Variants in SNCG observed in about 807,000 individuals in gnomAD.
The protein encoded by SNCG is gamma-synuclein.
SNCG carries 13 observed loss-of-function variants against 16.0 expected under a neutral mutation model. The ratio of observed to expected loss-of-function variants is 0.81; its 90% CI spans 0.53 to 1.29. The LOEUF (loss-of-function observed/expected upper bound fraction) is 1.29. SNCG is among the 50% of genes most tolerant of loss of function. The probability of loss-of-function intolerance (pLI) is 0.00; values close to 1 mark genes in which losing one functional copy is unlikely to be tolerated. For synonymous variants in SNCG, 66 were observed against 66.3 expected, an observed-to-expected ratio of 1.00 and a Z score of 0.02; for missense variants, 154 against 168.5, an observed-to-expected ratio of 0.91 and a Z score of 0.48.
intron 3 of SNCG, 62 bp from the exon 4 acceptor site, chr10:86,962,542 C>T (rs1844372028): frequency 1.6e-6 from 2 of 1,279,212 alleles, no homozygotes; most frequent in Non-Finnish European, 2.2e-6. Flanking sequence ...GCCCTGGTTG[C>T]AGGGCAGCTA....
upstream of SNCG, chr10:86,958,437 G>A: frequency 1.0e-6 from 1 of 985,412 alleles, no homozygotes; most frequent in Non-Finnish European, 1.2e-6. Context: ...GAGCCAGCAG[G>A]AGCCCAGGGA....
chr10:86,960,594 G>A (rs1209391376), intron 3 of SNCG, among the ~76,000 whole-genome samples: 2 of 152,162 alleles, frequency 1.3e-5, no homozygotes, highest in African/African-American at 4.8e-5. Flanking sequence ...GGGAAGTAGC[G>A]TCCCCTAGTG....
At chr10:86,958,497 T>TCCCAACCCACC, upstream of SNCG, 1 of 1,098,156 alleles carries the variant, frequency 9.1e-7, no homozygotes, top group Non-Finnish European at 1.2e-6. Context: ...TGAACCTCCT[T>TCCCAACCCACC]CCCTCCCTCC....
upstream of SNCG, chr10:86,957,771 A>T (rs929043616): frequency 7.5e-7 from 1 of 1,336,158 alleles, no homozygotes; most frequent in African/African-American, 1.5e-5. Context: ...GTCCCTGAGG[A>T]CTTGGCTCAG....
upstream of SNCG, chr10:86,958,367 G>A: frequency 1.0e-6 from 1 of 985,456 alleles, no homozygotes; most frequent in African/African-American, 1.7e-5. Flanking sequence ...ATGAGGGACA[G>A]GTTGGGAGGT....
chr10:86,959,530 C>T lies in SNCG; in HGVS notation c.122-103C>T, dbSNP rs1452691881. ...CGGCCCCCAGACACCATCCTTACCC[C>T]CCCACCGACCCCACAGTTTGTCCAG... On this transcript the variant is annotated intron_variant, in intron 1 of 4. Coordinates refer to ENST00000372017, the MANE Select transcript of SNCG (RefSeq NM_003087.3). This position sits in a 1 kb window ranked among gnomAD's most constrained non-coding sequence, Gnocchi z 4.3. 4.9e-6 allele frequency: 5 copies of T among 1,021,316 alleles called. No individual in the cohort carries two copies. Among genetic ancestry groups the T allele is most frequent in the Middle Eastern group, 4.0e-4 (2 of 4,966 alleles). 63.3% of individuals were successfully genotyped at this position (1,021,316 alleles called of 1,614,324 possible). A position where few individuals can be genotyped will look rare whatever the true frequency, so the allele number is the denominator to read the frequency against.
Position 86,959,580 on chromosome 10 carries a change from C to A in SNCG, c.122-53C>A. On this transcript the variant is annotated intron_variant, in intron 1 of 4. Coordinates refer to ENST00000372017, the MANE Select transcript of SNCG (RefSeq NM_003087.3). This position sits in a 1 kb window ranked among gnomAD's most constrained non-coding sequence, Gnocchi z 4.3. ...GCTGTTCTGTTGTGTTTGTCCTGACCGCCCCCAACACCTCGAGGGAGGTCT... is the reference window on the plus strand; with the variant it reads ...GCTGTTCTGTTGTGTTTGTCCTGACAGCCCCCAACACCTCGAGGGAGGTCT... The A allele has an allele frequency of 1.2e-5, 18 of 1,561,704 alleles. No homozygotes were observed. The highest frequency in any genetic ancestry group is 1.4e-5 in the Non-Finnish European group (16 of 1,132,788).
upstream of SNCG, chr10:86,957,730 C>G (rs1844260229): frequency 3.0e-6 from 4 of 1,352,212 alleles, no homozygotes; most frequent in Middle Eastern, 2.7e-4. Flanking sequence ...GCTGGCCCCA[C>G]AGGGGCCGCC....
upstream of SNCG, chr10:86,958,108 A>G: frequency 1.0e-6 from 1 of 984,560 alleles, no homozygotes. Flanking sequence ...AACCGGTTTC[A>G]TGGCAGCCCA....
chr10:86,958,531 G>C, upstream of SNCG: 4 of 960,556 alleles, frequency 4.2e-6, no homozygotes, highest in South Asian at 1.8e-5. Context: ...CCCACTGCAC[G>C]CAGGGCTGGC....
chr10:86,962,717 G>T (rs1262321645), intron 4 of SNCG, 42 bp downstream of exon 4: 4 of 1,484,752 alleles, frequency 2.7e-6, no homozygotes, highest in Admixed American at 3.6e-5. Flanking sequence ...GGGGTTCCTT[G>T]GTAGGGACCC....
intron 3 of SNCG, among the ~76,000 whole-genome samples, chr10:86,960,405 G>A (rs1468030281): frequency 6.6e-6 from 1 of 152,142 alleles, no homozygotes; most frequent in African/African-American, 2.4e-5. Context: ...TCTTCCGGAC[G>A]GCTCTCAGCA....
At position 86,960,080 on chromosome 10, in the gene SNCG, C is replaced by T. The variant is rs763085676; in HGVS notation, c.243C>T (p.Thr81=). The change falls in exon 3 of 5, where the codon ACC becomes ACT. Residue 81 remains threonine, a synonymous_variant. Transcript: ENST00000372017. ...GCGTCAACACTGTGGCCACCAAGAC[C>T]GTGGAGGAGGCGGAGAACATCGCGG... ...VSSVNTVATK[T]VEEAENIAVT... 1.9e-6 allele frequency: 3 copies of T among 1,613,404 alleles called. No homozygotes were observed. Among genetic ancestry groups the T allele is most frequent in the East Asian group, 2.2e-5 (1 of 44,876 alleles).
chr10:86,959,521 T>A lies in SNCG; in HGVS notation c.122-112T>A. The A allele has an allele frequency of 1.1e-5, 9 of 846,810 alleles. No individual in the cohort carries two copies. The highest frequency in any genetic ancestry group is 2.9e-5 in the East Asian group (1 of 34,704). The allele number at this position is 846,810 out of a possible 1,614,324, so 52.5% of individuals were successfully genotyped here. A position where few individuals can be genotyped will look rare whatever the true frequency, so the allele number is the denominator to read the frequency against. On this transcript the variant is annotated intron_variant, in intron 1 of 4. Transcript: ENST00000372017. The surrounding 1 kb of genome is among the most constrained non-coding windows in gnomAD (Gnocchi z 4.3). ...AGGGGCCGCCGGCCCCCAGACACCATCCTTACCCCCCCACCGACCCCACAG... is the reference window on the plus strand; with the variant it reads ...AGGGGCCGCCGGCCCCCAGACACCAACCTTACCCCCCCACCGACCCCACAG...
chr10:86,958,497 T>TCCCGG, upstream of SNCG: 1 of 1,098,156 alleles, frequency 9.1e-7, no homozygotes, highest in Non-Finnish European at 1.2e-6. Flanking sequence ...TGAACCTCCT[T>TCCCGG]CCCTCCCTCC....
At chr10:86,961,041 G>T (rs1003795137) in intron 3 of SNCG, among the ~76,000 whole-genome samples, 6 of 152,112 alleles carry the variant, frequency 3.9e-5, no homozygotes, top group African/African-American at 1.4e-4. Flanking sequence ...CTACCTGGGG[G>T]TGGGGCGGGG....
At position 86,960,022 on chromosome 10, in the gene SNCG, A is replaced by C. The variant is rs1361751422; in HGVS notation, c.185A>C (p.Gln62Pro). The C allele has an allele frequency of 1.2e-6, 2 of 1,606,576 alleles. No individual in the cohort carries two copies. The highest frequency in any genetic ancestry group is 1.7e-6 in the Non-Finnish European group (2 of 1,177,420). The change falls in exon 3 of 5, where the codon CAG becomes CCG. Residue 62 changes from glutamine (Q) to proline (P), a missense_variant. By Grantham distance (76) the Gln-to-Pro change is moderately conservative (BLOSUM62 -1). Transcript: ENST00000372017. ...VTSVAEKTKE[Q>P]ANAVSEAVVS... Reference sequence around the variant, plus strand: ...ATAGTGGCCGAGAAGACCAAGGAGCAGGCCAACGCCGTGAGCGAGGCTGTG... The same window carrying C: ...ATAGTGGCCGAGAAGACCAAGGAGCCGGCCAACGCCGTGAGCGAGGCTGTG...
At chr10:86,958,529 A>C, upstream of SNCG, 11 of 1,078,456 alleles carry the variant, frequency 1.0e-5, no homozygotes, top group Middle Eastern at 4.2e-4. Flanking sequence ...CCCCCACTGC[A>C]CGCAGGGCTG....
Position 86,958,838 on chromosome 10 carries a change from G to A in SNCG, c.121+20G>A, listed in dbSNP as rs753451764. The A allele has an allele frequency of 1.3e-6, 2 of 1,585,252 alleles. No homozygotes were observed. Among genetic ancestry groups the A allele is most frequent in the Non-Finnish European group, 8.6e-7 (1 of 1,164,764 alleles). On this transcript the variant is annotated intron_variant, in intron 1 of 4. Coordinates refer to ENST00000372017, the MANE Select transcript of SNCG (RefSeq NM_003087.3). ...ATGTGGGTAAGTGGGGCATGGCAGGGTGGGACAGTGTGGTGGCCAAAGGGT... is the reference window on the plus strand; with the variant it reads ...ATGTGGGTAAGTGGGGCATGGCAGGATGGGACAGTGTGGTGGCCAAAGGGT...
Sources: allele counts gnomAD v4.1 joint callset (sites outside exome capture counted in the v4.1 genomes callset), GRCh38; gene constraint gnomAD v4.1.1; non-coding constraint Gnocchi (gnomAD v3.1); transcripts MANE v1.5; gene names NCBI Gene and HGNC (gene_info 2026-07-23, HGNC 2026-07-21).